Variants in MAGI2 observed in about 807,000 individuals in gnomAD.
MAGI2 encodes membrane-associated guanylate kinase, WW and PDZ domain-containing protein 2.
A neutral mutation model predicts 133.3 loss-of-function variants in MAGI2; 35 were observed. The ratio of observed to expected loss-of-function variants is 0.26; its 90% CI spans 0.20 to 0.35. The LOEUF (loss-of-function observed/expected upper bound fraction) is 0.35, where lower values mean the gene tolerates loss of function less well. Among genes scored for constraint, MAGI2 ranks in the 10% least tolerant of loss-of-function variants. MAGI2 has a pLI of 1.00. For missense variants in MAGI2, 1,636 were observed against 1,863.4 expected (o/e 0.88, Z 2.25); for synonymous variants, 729 against 710.6 (o/e 1.03, Z -0.41).
intron 1 of MAGI2, among the ~76,000 whole-genome samples, chr7:79,084,162 C>A (rs1226089853): frequency 2.0e-5 from 3 of 151,582 alleles, no homozygotes; most frequent in Admixed American, 1.3e-4. Context: ...TATTTGCACT[C>A]TAATGTTCAT....
intron 7 of MAGI2, among the ~76,000 whole-genome samples, chr7:78,349,638 T>C (rs1260099289): frequency 6.6e-6 from 1 of 152,208 alleles, no homozygotes; most frequent in South Asian, 2.1e-4. Flanking sequence ...TAGTTTGGCA[T>C]GCCTTGGACC....
intron 2 of MAGI2, among the ~76,000 whole-genome samples, chr7:78,904,497 G>T (rs1797849788): frequency 6.6e-6 from 1 of 151,170 alleles, no homozygotes; most frequent in African/African-American, 2.4e-5. Flanking sequence ...AACACTGCAT[G>T]CATAGCATAC....
chr7:79,162,776 T>C (rs959432489), intron 1 of MAGI2, among the ~76,000 whole-genome samples: 3 of 152,132 alleles, frequency 2.0e-5, no homozygotes, highest in African/African-American at 4.8e-5. Flanking sequence ...ACAATGCTTA[T>C]GTTTTCTATA....
At chr7:78,426,984 G>A (rs932833282) in intron 6 of MAGI2, among the ~76,000 whole-genome samples, 1 of 152,132 alleles carries the variant, frequency 6.6e-6, no homozygotes, top group African/African-American at 2.4e-5. Flanking sequence ...CATGTGGGTG[G>A]CAAGTAGAAC....
chr7:79,148,131 A>T (rs1033280249), intron 1 of MAGI2, among the ~76,000 whole-genome samples: 3 of 152,138 alleles, frequency 2.0e-5, no homozygotes, highest in Non-Finnish European at 4.4e-5. Flanking sequence ...ATCAGAAGGA[A>T]ATTTTCAGAA....
intron 2 of MAGI2, among the ~76,000 whole-genome samples, chr7:78,993,714 A>G (rs1343348210): frequency 6.6e-6 from 1 of 151,924 alleles, no homozygotes; most frequent in Admixed American, 6.6e-5. Context: ...CTAAACAACT[A>G]TTCCCCTAAA....
chr7:78,092,375 C>T (rs78866253), intron 20 of MAGI2, among the ~76,000 whole-genome samples: 57 of 152,176 alleles, frequency 3.7e-4, no homozygotes, highest in Admixed American at 1.2e-3. Context: ...TTTTGATGCA[C>T]GAAATAAACA....
chr7:78,849,308 C>G (rs960615778), intron 2 of MAGI2, among the ~76,000 whole-genome samples: 1 of 151,992 alleles, frequency 6.6e-6, no homozygotes, highest in Non-Finnish European at 1.5e-5. Flanking sequence ...TGAGCAATAT[C>G]TTGGATATGG....
At chr7:78,094,898 A>C (rs894701574) in intron 20 of MAGI2, among the ~76,000 whole-genome samples, 5 of 152,110 alleles carry the variant, frequency 3.3e-5, no homozygotes, top group African/African-American at 9.7e-5. Context: ...TGAGCTACTT[A>C]AGTGGAGAAA....
At chr7:78,713,944 C>T (rs373702234) in intron 2 of MAGI2, among the ~76,000 whole-genome samples, 3 of 152,044 alleles carry the variant, frequency 2.0e-5, no homozygotes, top group African/African-American at 4.8e-5. Context: ...TGTGCTTCCT[C>T]GTTTTCTGTT....
rs1810207384 is a variant in MAGI2, at chr7:79,028,322, TATATACATATATATAC to T, written c.302-21132_302-21117del. ...GTATATATATATATATACACACATA[TATATACATATATATAC>T]ACACACACACACACACATACACACA... is the stretch of plus-strand genomic sequence containing the variant. On this transcript the variant is annotated intron_variant, in intron 1 of 21. Transcript: ENST00000354212. Among the ~76,000 whole-genome samples, 7 of 28,496 alleles carry T rather than the reference TATATACATATATATAC, an allele frequency of 2.5e-4. No homozygotes were observed. The South Asian group carries it at 4.3e-3, about 18-fold the overall frequency. The allele number at this position is 28,496 out of a possible 152,430, so 18.7% of individuals were successfully genotyped here.
At chr7:78,758,907 T>G (rs182728654) in intron 2 of MAGI2, among the ~76,000 whole-genome samples, 5 of 152,320 alleles carry the variant, frequency 3.3e-5, no homozygotes, top group African/African-American at 1.2e-4. Context: ...ACTCTGGTAG[T>G]TAATCTGTCA....
intron 3 of MAGI2, among the ~76,000 whole-genome samples, chr7:78,534,885 A>C (rs1234643975): frequency 6.6e-6 from 1 of 152,200 alleles, no homozygotes; most frequent in African/African-American, 2.4e-5. Flanking sequence ...CTATAATCCC[A>C]GCACTTTGGG....
At chr7:78,900,599 G>A (rs1224779322) in intron 2 of MAGI2, among the ~76,000 whole-genome samples, 1 of 152,172 alleles carries the variant, frequency 6.6e-6, no homozygotes, top group African/African-American at 2.4e-5. Context: ...TCTCAGAGAT[G>A]TTTATGATCA....
chr7:79,170,137 C>CTTTTTTTTTTTTTTTTTT lies in MAGI2; in HGVS notation c.302-162949_302-162932dup, dbSNP rs10539344. 2.1e-4 allele frequency among the ~76,000 whole-genome samples: 9 copies of CTTTTTTTTTTTTTTTTTT among 42,924 alleles called. 2 individuals are homozygous for CTTTTTTTTTTTTTTTTTT. Among genetic ancestry groups the CTTTTTTTTTTTTTTTTTT allele is most frequent in the East Asian group, 1.9e-3 (2 of 1,078 alleles). The allele number at this position is 42,924 out of a possible 152,430, so 28.2% of individuals were successfully genotyped here. ...TCAATGGTTACTTTGAGATATTATACTTTTTTTTTTTTTTTTTTTTTTTTT... is the reference window on the plus strand; with the variant it reads ...TCAATGGTTACTTTGAGATATTATACTTTTTTTTTTTTTTTTTTTTTTTTTTTTTTTTTTTTTTTTTTT... On this transcript the variant is annotated intron_variant, in intron 1 of 21. Transcript: ENST00000354212.
chr7:79,238,385 A>T (rs60960798), intron 1 of MAGI2, among the ~76,000 whole-genome samples: 2 of 151,908 alleles, frequency 1.3e-5, no homozygotes, highest in Non-Finnish European at 2.9e-5. Flanking sequence ...TTTTGATCTT[A>T]CAATGGCTTC....
intron 2 of MAGI2, among the ~76,000 whole-genome samples, chr7:78,741,428 C>T (rs66495951): frequency 2.6e-5 from 3 of 116,036 alleles, no homozygotes; most frequent in South Asian, 2.7e-4. Context: ...CACACACACA[C>T]GGGAGGGGGG....
intron 1 of MAGI2, among the ~76,000 whole-genome samples, chr7:79,391,916 C>T (rs1844685707): frequency 6.6e-6 from 1 of 151,992 alleles, no homozygotes; most frequent in Non-Finnish European, 1.5e-5. Flanking sequence ...GATCTCCTGA[C>T]CTCGTGATCT....
chr7:79,085,553 A>G (rs1378130735), intron 1 of MAGI2, among the ~76,000 whole-genome samples: 1 of 151,880 alleles, frequency 6.6e-6, no homozygotes, highest in Non-Finnish European at 1.5e-5. Flanking sequence ...TTTTTTGCAT[A>G]AATAATAATT....
Sources: allele counts gnomAD v4.1 joint callset (sites outside exome capture counted in the v4.1 genomes callset), GRCh38; gene constraint gnomAD v4.1.1; transcripts MANE v1.5; gene names NCBI Gene and HGNC (gene_info 2026-07-23, HGNC 2026-07-21).